The following GABRB1 variants were observed in gnomAD, a reference collection of about 807,000 sequenced individuals.
The protein encoded by GABRB1 is gamma-aminobutyric acid type A receptor subunit beta1, also known as gamma-aminobutyric acid receptor subunit beta-1.
Under a neutral mutation model 51.6 loss-of-function variants are expected in GABRB1, and 17 were observed. The observed-to-expected ratio is 0.33, with a 90% confidence interval of 0.23 to 0.49. The LOEUF (loss-of-function observed/expected upper bound fraction) is 0.49, where lower values mean the gene tolerates loss of function less well. GABRB1 is among the 20% of genes least tolerant of loss of function. The pLI, the probability that GABRB1 is intolerant of heterozygous loss-of-function variation, is 0.99. For synonymous variants in GABRB1, 247 were observed against 218.9 expected (o/e 1.13, Z -1.14); for missense variants, 410 against 600.6 (o/e 0.68, Z 3.32).
chr4:47,082,197 T>A (rs1727879495), intron 3 of GABRB1, among the ~76,000 whole-genome samples: 2 of 152,078 alleles, frequency 1.3e-5, no homozygotes, highest in South Asian at 4.1e-4. Flanking sequence ...TACTTTTATA[T>A]CAGCTCTATT....
intron 3 of GABRB1, among the ~76,000 whole-genome samples, chr4:47,059,165 A>G (rs1379055591): frequency 2.6e-5 from 4 of 152,176 alleles, no homozygotes; most frequent in South Asian, 2.1e-4. Flanking sequence ...TCTCTATACT[A>G]TGGATTCTTC....
chr4:47,200,998 T>TTGTTA lies in GABRB1; in HGVS notation c.461+39529_461+39530insTGTTA, dbSNP rs1719876825. On this transcript the variant is annotated intron_variant, in intron 4 of 8. Transcript: ENST00000295454. ...CATGCCATATTTTAACAAACATAGT[T>TTGTTA]CACTAATATTTAATTGGAGAAATAT... Among the ~76,000 whole-genome samples, 8 of 152,262 alleles carry TTGTTA rather than the reference T, an allele frequency of 5.3e-5. No homozygotes were observed. The South Asian group carries it at 1.7e-3, about 32-fold the overall frequency.
At chr4:47,386,722 T>C (rs1336101844) in intron 5 of GABRB1, among the ~76,000 whole-genome samples, 2 of 152,066 alleles carry the variant, frequency 1.3e-5, no homozygotes, top group African/African-American at 2.4e-5. Flanking sequence ...CATTCCATTG[T>C]CCAAGAAGGA....
intron 3 of GABRB1, among the ~76,000 whole-genome samples, chr4:47,083,240 T>G (rs1430860618): frequency 6.6e-6 from 1 of 152,148 alleles, no homozygotes; most frequent in African/African-American, 2.4e-5. Flanking sequence ...GCCTTGATAA[T>G]GTCCTCCACT....
At chr4:47,312,726 T>C (rs149780298) in intron 4 of GABRB1, among the ~76,000 whole-genome samples, 147 of 152,320 alleles carry the variant, frequency 9.7e-4, no homozygotes, top group African/African-American at 3.3e-3. Flanking sequence ...GGTTTAAAAC[T>C]TGGGAGTTCT....
Position 47,129,907 on chromosome 4 carries a change from G to A in GABRB1, c.241-31342G>A, listed in dbSNP as rs372305294. 2.0e-5 allele frequency among the ~76,000 whole-genome samples: 3 copies of A among 152,302 alleles called. No homozygotes were observed. In the South Asian group the frequency reaches 6.2e-4, roughly 32 times the overall value. ...AGAACAAAAAGGTGGATAAGCACAT[G>A]TGTGACTATGTAGATGAATAAATAG... On this transcript the variant is annotated intron_variant, in intron 3 of 8. Transcript: ENST00000295454.
At chr4:47,291,512 A>G (rs181525679) in intron 4 of GABRB1, among the ~76,000 whole-genome samples, 2 of 152,138 alleles carry the variant, frequency 1.3e-5, no homozygotes, top group Non-Finnish European at 2.9e-5. Flanking sequence ...GGTCCCAGAA[A>G]AGTAGATTCA....
Position 47,230,553 on chromosome 4 carries a change from G to A in GABRB1, c.461+69084G>A, listed in dbSNP as rs574535809. On this transcript the variant is annotated intron_variant, in intron 4 of 8. Transcript: ENST00000295454. ...CACAGTTTCAGTTCTGATCTAAGCA[G>A]AGTATCTCATTTGGAAAAAGCTGTG... Among the ~76,000 whole-genome samples, 8 of 149,900 alleles carry A rather than the reference G, an allele frequency of 5.3e-5. No homozygotes were observed. In the East Asian group the frequency reaches 5.8e-4, roughly 11 times the overall value.
At chr4:47,032,126 G>T in intron 2 of GABRB1, 121 bp downstream of exon 2, 1 of 510,574 alleles carries the variant, frequency 2.0e-6, no homozygotes. Context: ...ACTATACCCT[G>T]GGCACACACA....
chr4:47,025,993 G>A (rs541401678), intron 1 of GABRB1, among the ~76,000 whole-genome samples: 1 of 152,074 alleles, frequency 6.6e-6, no homozygotes, highest in East Asian at 1.9e-4. Flanking sequence ...CTAGCAGAAA[G>A]TTTCAACTCT....
chr4:47,396,553 A>T (rs1322700441), intron 5 of GABRB1, among the ~76,000 whole-genome samples: 1 of 152,166 alleles, frequency 6.6e-6, no homozygotes, highest in African/African-American at 2.4e-5. Flanking sequence ...AAATTTCTTT[A>T]ATGATTAATT....
At chr4:47,024,702 T>C (rs1253869686) in intron 1 of GABRB1, among the ~76,000 whole-genome samples, 1 of 151,602 alleles carries the variant, frequency 6.6e-6, no homozygotes, top group African/African-American at 2.4e-5. Context: ...CCATTTGTAG[T>C]CTTTTATCCC....
chr4:47,281,206 C>A (rs1723281742), intron 4 of GABRB1, among the ~76,000 whole-genome samples: 1 of 151,974 alleles, frequency 6.6e-6, no homozygotes, highest in Non-Finnish European at 1.5e-5. Flanking sequence ...AGCGAGGAAA[C>A]AAATAATCTG....
intron 1 of GABRB1, among the ~76,000 whole-genome samples, chr4:47,021,679 T>C (rs1444410159): frequency 1.3e-5 from 2 of 152,304 alleles, no homozygotes; most frequent in East Asian, 3.9e-4. Flanking sequence ...CTATCCTGTG[T>C]CTTTTCTTTA....
At chr4:47,211,606 A>T (rs76740343) in intron 4 of GABRB1, among the ~76,000 whole-genome samples, 2,246 of 152,276 alleles carry the variant, frequency 0.015, 47 homozygotes, top group African/African-American at 0.051. Context: ...CTTGTATATT[A>T]GTGTCCTATT....
At chr4:47,246,392 ATAT>A in intron 4 of GABRB1, among the ~76,000 whole-genome samples, 5 of 104,234 alleles carry the variant, frequency 4.8e-5, no homozygotes, top group Admixed American at 1.1e-4. Context: ...ATATATATAT[ATAT>A]AAAATACCAC....
intron 3 of GABRB1, among the ~76,000 whole-genome samples, chr4:47,145,626 A>C (rs1195809341): frequency 1.3e-5 from 2 of 152,168 alleles, no homozygotes; most frequent in Non-Finnish European, 2.9e-5. Context: ...ATGTCTATTT[A>C]TAGGGCACTA....
chr4:47,190,433 T>G (rs931468978), intron 4 of GABRB1, among the ~76,000 whole-genome samples: 2 of 152,140 alleles, frequency 1.3e-5, no homozygotes, highest in Non-Finnish European at 2.9e-5. Context: ...CACTGTAAAC[T>G]ATGTGCTAAC....
At chr4:47,092,021 C>A (rs1198851453) in intron 3 of GABRB1, among the ~76,000 whole-genome samples, 2 of 152,070 alleles carry the variant, frequency 1.3e-5, no homozygotes, top group Admixed American at 6.6e-5. Flanking sequence ...AGTATCTCCC[C>A]CTAATCTTTC....
Sources: allele counts gnomAD v4.1 joint callset (sites outside exome capture counted in the v4.1 genomes callset), GRCh38; gene constraint gnomAD v4.1.1; transcripts MANE v1.5; gene names NCBI Gene and HGNC (gene_info 2026-07-23, HGNC 2026-07-21).